Variants in FMN1 observed in about 807,000 individuals in gnomAD.
The protein encoded by FMN1 is formin-1.
FMN1 carries 110 observed loss-of-function variants against 132.4 expected under a neutral mutation model. The ratio of observed to expected loss-of-function variants is 0.83; its 90% confidence interval spans 0.71 to 0.97. The LOEUF is 0.97. FMN1 is among the 50% of genes least tolerant of loss of function. FMN1 has a pLI of 0.00. For missense variants in FMN1, 1,792 were observed against 1,705.3 expected (o/e 1.05, Z -0.90); for synonymous variants, 722 against 651.7 (o/e 1.11, Z -1.64).
intron 4 of FMN1, among the ~76,000 whole-genome samples, chr15:33,148,282 A>C (rs1964306483): frequency 6.6e-6 from 1 of 152,166 alleles, no homozygotes; most frequent in South Asian, 2.1e-4. Context: ...ACCTACCTTC[A>C]GCCTCTTATA....
At chr15:33,035,261 T>G (rs1359030449) in intron 6 of FMN1, among the ~76,000 whole-genome samples, 1 of 152,240 alleles carries the variant, frequency 6.6e-6, no homozygotes, top group African/African-American at 2.4e-5. Flanking sequence ...TGTGACAGTA[T>G]CTGTGATTTC....
chr15:32,868,030 C>T (rs1217900445), intron 16 of FMN1, among the ~76,000 whole-genome samples: 2 of 152,168 alleles, frequency 1.3e-5, no homozygotes, highest in South Asian at 2.1e-4. Flanking sequence ...GAAACTTACA[C>T]ATGTGCAGTA....
At chr15:33,186,479 A>G (rs984912482) in intron 2 of FMN1, among the ~76,000 whole-genome samples, 5 of 144,688 alleles carry the variant, frequency 3.5e-5, no homozygotes, top group African/African-American at 4.9e-5. Context: ...TGACAGTTTT[A>G]AATGTTCCTC....
intron 15 of FMN1, among the ~76,000 whole-genome samples, chr15:32,894,594 C>G (rs1018935661): frequency 6.6e-6 from 1 of 151,876 alleles, no homozygotes; most frequent in African/African-American, 2.4e-5. Flanking sequence ...TAAGATGCAT[C>G]TTGAGAAAGA....
chr15:33,005,286 T>G (rs2034354944), intron 7 of FMN1, among the ~76,000 whole-genome samples: 1 of 151,962 alleles, frequency 6.6e-6, no homozygotes, highest in Non-Finnish European at 1.5e-5. Context: ...CTTTAGCAAT[T>G]AGGTAAACAT....
chr15:32,987,469 C>A (rs1030187033), intron 7 of FMN1, among the ~76,000 whole-genome samples: 7 of 152,132 alleles, frequency 4.6e-5, no homozygotes, highest in African/African-American at 1.7e-4. Context: ...ACCTTTCCCC[C>A]GACTGCACAT....
intron 10 of FMN1, among the ~76,000 whole-genome samples, chr15:32,925,475 A>G (rs1450115517): frequency 6.6e-6 from 1 of 152,208 alleles, no homozygotes; most frequent in Non-Finnish European, 1.5e-5. Context: ...AGCAAAACCT[A>G]AAATGTGGGG....
In FMN1 at chr15:32,901,952, A is replaced by G; in HGVS notation, c.3466T>C (p.Ser1156Pro). The G allele has an allele frequency of 2.5e-6, 4 of 1,613,134 alleles. No individual in the cohort carries two copies. The highest frequency in any genetic ancestry group is 3.4e-6 in the Non-Finnish European group (4 of 1,179,476). Residue 1156 changes from serine (S) to proline (P), a missense_variant, in exon 13 of 21, where the codon TCC becomes CCC. By Grantham distance (74) the Ser-to-Pro change is moderately conservative. Coordinates refer to ENST00000616417, the MANE Select transcript of FMN1 (RefSeq NM_001277313.2). ...FRSVFSEGIT[S>P]LHRKVEIITR... is the part of the protein sequence containing the mutation. ...ATGATCTCTACCTTTCTGTGCAAGG[A>G]GGTGATACCCTCAGAAAAGACAGAT... is the stretch of plus-strand genomic sequence containing the variant.
intron 4 of FMN1, among the ~76,000 whole-genome samples, chr15:33,098,705 G>T (rs189053154): frequency 1.3e-5 from 2 of 152,312 alleles, no homozygotes; most frequent in East Asian, 3.9e-4. Context: ...GTAACAGGAG[G>T]ATGAGGTTGT....
chr15:32,785,135 G>GGTGTGT (rs759634791), intron 19 of FMN1, among the ~76,000 whole-genome samples: 1 of 137,730 alleles, frequency 7.3e-6, no homozygotes, highest in Non-Finnish European at 1.6e-5. Context: ...TGATGCTAGG[G>GGTGTGT]GTGTGTGTGT....
At chr15:32,965,217 G>C (rs1417466920) in intron 8 of FMN1, among the ~76,000 whole-genome samples, 1 of 152,064 alleles carries the variant, frequency 6.6e-6, no homozygotes. Flanking sequence ...GGCCAACATG[G>C]TGAAACCCCA....
chr15:33,019,847 C>T (rs1240797378), intron 6 of FMN1, among the ~76,000 whole-genome samples: 1 of 152,208 alleles, frequency 6.6e-6, no homozygotes, highest in Non-Finnish European at 1.5e-5. Context: ...GGTTCCCGTC[C>T]GTGCCTCTCC....
intron 4 of FMN1, among the ~76,000 whole-genome samples, chr15:33,104,719 G>A (rs192998091): frequency 6.6e-6 from 1 of 152,148 alleles, no homozygotes; most frequent in Admixed American, 6.5e-5. Context: ...TGGAGCCAAG[G>A]ATTGTGTGAA....
At chr15:33,011,023 G>C (rs1237676333) in intron 6 of FMN1, among the ~76,000 whole-genome samples, 1 of 151,370 alleles carries the variant, frequency 6.6e-6, no homozygotes, top group Non-Finnish European at 1.5e-5. Flanking sequence ...GTTTTGTTTT[G>C]TTTGAATATA....
intron 7 of FMN1, among the ~76,000 whole-genome samples, chr15:32,987,210 A>G (rs1298494030): frequency 6.6e-6 from 1 of 152,192 alleles, no homozygotes. Flanking sequence ...GGTTAATGAT[A>G]CAAGGTCAGC....
At chr15:33,124,272 A>C (rs985408997) in intron 4 of FMN1, among the ~76,000 whole-genome samples, 1 of 152,192 alleles carries the variant, frequency 6.6e-6, no homozygotes, top group African/African-American at 2.4e-5. Flanking sequence ...ACACATTGAC[A>C]TTCACTGTAG....
At chr15:33,015,587 ACT>A (rs2034995596) in intron 6 of FMN1, among the ~76,000 whole-genome samples, 1 of 152,192 alleles carries the variant, frequency 6.6e-6, no homozygotes, top group African/African-American at 2.4e-5. Flanking sequence ...TGAATTCTCC[ACT>A]GAGTAGGAAA....
At chr15:33,097,545 G>A (rs2039135568) in intron 4 of FMN1, among the ~76,000 whole-genome samples, 3 of 152,026 alleles carry the variant, frequency 2.0e-5, no homozygotes, top group Admixed American at 2.0e-4. Flanking sequence ...GAAAACTAAA[G>A]AATCACTAGA....
At chr15:33,170,119 T>TA (rs1450396892) in intron 3 of FMN1, among the ~76,000 whole-genome samples, 1 of 152,162 alleles carries the variant, frequency 6.6e-6, no homozygotes, top group African/African-American at 2.4e-5. Flanking sequence ...TTCATATATT[T>TA]ACAATCAACT....
Sources: allele counts gnomAD v4.1 joint callset (sites outside exome capture counted in the v4.1 genomes callset), GRCh38; gene constraint gnomAD v4.1.1; transcripts MANE v1.5; gene names NCBI Gene and HGNC (gene_info 2026-07-23, HGNC 2026-07-21).